Variants in SPAG16 observed in about 807,000 individuals in gnomAD.
SPAG16 encodes sperm associated antigen 16, also known as sperm-associated antigen 16 protein.
A neutral mutation model predicts 80.4 loss-of-function variants in SPAG16; 86 were observed. The ratio of observed to expected loss-of-function variants is 1.07; its 90% CI spans 0.90 to 1.28. The LOEUF (loss-of-function observed/expected upper bound fraction) is 1.28, where lower values mean the gene tolerates loss of function less well. SPAG16 is among the 50% of genes most tolerant of loss of function. SPAG16 has a pLI of 0.00. For synonymous variants in SPAG16, 294 were observed against 265.9 expected, an observed-to-expected ratio of 1.11 and a Z score of -1.03; for missense variants, 870 against 765.3, an observed-to-expected ratio of 1.14 and a Z score of -1.61.
chr2:213,444,428 C>T (rs2071172981), intron 9 of SPAG16, among the ~76,000 whole-genome samples: 1 of 152,142 alleles, frequency 6.6e-6, no homozygotes, highest in Non-Finnish European at 1.5e-5. Context: ...TAACTGTTTA[C>T]TTAGTACATC....
At chr2:214,269,063 T>A (rs560505199) in intron 15 of SPAG16, among the ~76,000 whole-genome samples, 4 of 152,074 alleles carry the variant, frequency 2.6e-5, no homozygotes, top group African/African-American at 9.6e-5. Flanking sequence ...CTGGGAAAAA[T>A]TTGCAGAGTT....
At chr2:214,397,258 C>T (rs530959602) in intron 15 of SPAG16, among the ~76,000 whole-genome samples, 115 of 149,624 alleles carry the variant, frequency 7.7e-4, no homozygotes, top group Admixed American at 1.4e-3. Context: ...TGGATTCAAG[C>T]GATTCTCCTG....
chr2:213,639,493 C>T (rs76164211), intron 10 of SPAG16, among the ~76,000 whole-genome samples: 8,837 of 152,142 alleles, frequency 0.058, 850 homozygotes, highest in African/African-American at 0.2. Flanking sequence ...ATCTCCCCTT[C>T]GTTTATGAAA....
chr2:214,012,198 ACTAT>A, intron 12 of SPAG16, among the ~76,000 whole-genome samples: 1 of 145,360 alleles, frequency 6.9e-6, no homozygotes, highest in South Asian at 2.2e-4. Flanking sequence ...TCAAAGATTA[ACTAT>A]CTGATTTATA....
At chr2:214,218,007 A>AT (rs1299412940) in intron 15 of SPAG16, among the ~76,000 whole-genome samples, 7 of 151,990 alleles carry the variant, frequency 4.6e-5, no homozygotes, top group Non-Finnish European at 7.4e-5. Context: ...GTTAATGCAT[A>AT]TTTTTTTTCA....
chr2:213,879,564 C>T (rs2076268860), intron 11 of SPAG16, among the ~76,000 whole-genome samples: 1 of 151,990 alleles, frequency 6.6e-6, no homozygotes, highest in African/African-American at 2.4e-5. Context: ...AAGGTTATTG[C>T]ATGGGTTCAT....
In SPAG16 at chr2:214,122,886, C is replaced by T. The variant is rs1455958069; in HGVS notation, c.1593+14625C>T. On this transcript the variant is annotated intron_variant, in intron 14 of 15. Coordinates refer to ENST00000331683, the MANE Select transcript of SPAG16 (RefSeq NM_024532.5). Reference sequence around the variant, plus strand: ...AATATAAAATTAAGGCATATGTAATCTCCATTTTTATTTTAGAAAATATTT... The same window carrying T: ...AATATAAAATTAAGGCATATGTAATTTCCATTTTTATTTTAGAAAATATTT... 2.6e-5 allele frequency among the ~76,000 whole-genome samples: 4 copies of T among 151,886 alleles called. No individual in the cohort carries two copies. In the East Asian group the frequency reaches 5.8e-4, roughly 22 times the overall value.
intron 10 of SPAG16, among the ~76,000 whole-genome samples, chr2:213,601,552 C>T (rs1258931307): frequency 1.3e-5 from 2 of 151,410 alleles, no homozygotes; most frequent in Admixed American, 6.6e-5. Flanking sequence ...TGAATGGTTC[C>T]CATTAACACA....
At chr2:214,106,718 C>T (rs1157628040) in intron 13 of SPAG16, among the ~76,000 whole-genome samples, 5 of 152,042 alleles carry the variant, frequency 3.3e-5, no homozygotes, top group Non-Finnish European at 2.9e-5. Flanking sequence ...CTCTCCCAGC[C>T]TTCAAAGATT....
chr2:214,058,199 CT>C (rs1416232015), intron 13 of SPAG16, among the ~76,000 whole-genome samples: 2 of 152,116 alleles, frequency 1.3e-5, no homozygotes, highest in African/African-American at 4.8e-5. Context: ...GTGTACATGC[CT>C]TCCTCCTCCA....
intron 9 of SPAG16, among the ~76,000 whole-genome samples, chr2:213,464,470 G>A (rs766996546): frequency 6.6e-6 from 1 of 152,164 alleles, no homozygotes; most frequent in African/African-American, 2.4e-5. Flanking sequence ...AAGGTACTTA[G>A]GGAGCCCAAA....
intron 14 of SPAG16, among the ~76,000 whole-genome samples, chr2:214,137,291 C>T (rs1001432004): frequency 7.9e-5 from 12 of 151,896 alleles, no homozygotes; most frequent in African/African-American, 1.4e-4. Flanking sequence ...CATATTTTTT[C>T]GTCATTAATA....
At chr2:213,823,391 G>T (rs2073072897) in intron 10 of SPAG16, among the ~76,000 whole-genome samples, 1 of 151,936 alleles carries the variant, frequency 6.6e-6, no homozygotes, top group African/African-American at 2.4e-5. Context: ...ACAGAGTTTT[G>T]CTCTTGTTGC....
rs576846947 is a variant in SPAG16 at position 213,764,696 on chromosome 2, T to C, written c.1071-97789T>C. Among the ~76,000 whole-genome samples, 334 of 152,260 alleles carry C rather than the reference T, an allele frequency of 2.2e-3. 3 individuals carry two copies. The highest frequency in any genetic ancestry group is 0.02 in the Middle Eastern group (6 of 294). On this transcript the variant is annotated intron_variant, in intron 10 of 15. Transcript: ENST00000331683. ...TTACTACTACTGAGAGAACATGATA[T>C]TATTCCCCAAAAGCTAATATTAATG...
At chr2:214,294,219 G>A (rs1693986781) in intron 15 of SPAG16, among the ~76,000 whole-genome samples, 2 of 152,184 alleles carry the variant, frequency 1.3e-5, no homozygotes, top group Admixed American at 6.5e-5. Flanking sequence ...CGTGGGTGCC[G>A]AGGGGCTTGC....
intron 15 of SPAG16, among the ~76,000 whole-genome samples, chr2:214,284,797 C>CTG (rs34221048): frequency 0.17 from 26,014 of 149,524 alleles, 2,373 homozygotes; most frequent in Admixed American, 0.23. Flanking sequence ...ATATTTTACT[C>CTG]TGTGTGTGTG....
At chr2:213,815,446 A>G (rs1223976473) in intron 10 of SPAG16, among the ~76,000 whole-genome samples, 1 of 152,206 alleles carries the variant, frequency 6.6e-6, no homozygotes, top group Non-Finnish European at 1.5e-5. Context: ...ATACATTTAT[A>G]AAGTATGAAT....
intron 4 of SPAG16, among the ~76,000 whole-genome samples, chr2:213,313,321 T>TA: frequency 6.6e-6 from 1 of 152,052 alleles, no homozygotes; most frequent in East Asian, 1.9e-4. Context: ...ATGAGGGATT[T>TA]AAAAATATTT....
chr2:213,851,217 ATAAAC>A (rs2074888361), intron 10 of SPAG16, among the ~76,000 whole-genome samples: 1 of 152,220 alleles, frequency 6.6e-6, no homozygotes, highest in Non-Finnish European at 1.5e-5. Flanking sequence ...GGTTGAATCT[ATAAAC>A]TAATAATATG....
Sources: allele counts gnomAD v4.1 joint callset (sites outside exome capture counted in the v4.1 genomes callset), GRCh38; gene constraint gnomAD v4.1.1; transcripts MANE v1.5; gene names NCBI Gene and HGNC (gene_info 2026-07-23, HGNC 2026-07-21).